ZNF704: variants seen among roughly 807,000 people sequenced by gnomAD.
ZNF704 encodes zinc finger protein 704.
Under a neutral mutation model 44.7 loss-of-function variants are expected in ZNF704, and 10 were observed. The ratio of observed to expected loss-of-function variants is 0.22; its 90% CI spans 0.14 to 0.38. ZNF704 has a LOEUF of 0.38. Among genes scored for constraint, ZNF704 ranks in the 10% least tolerant of loss-of-function variants. The pLI, the probability that ZNF704 is intolerant of heterozygous loss-of-function variation, is 1.00. For synonymous variants in ZNF704, 211 were observed against 207.6 expected, an observed-to-expected ratio of 1.02 and a Z score of -0.14; for missense variants, 390 against 545.5, an observed-to-expected ratio of 0.71 and a Z score of 2.84.
intron 1 of ZNF704, among the ~76,000 whole-genome samples, chr8:80,824,037 C>A (rs1222775409): frequency 6.6e-6 from 1 of 152,186 alleles, no homozygotes; most frequent in Non-Finnish European, 1.5e-5. Context: ...AAGAAATGCA[C>A]CTCCTCGCCA....
intron 1 of ZNF704, among the ~76,000 whole-genome samples, chr8:80,849,057 T>C (rs1157252526): frequency 6.6e-6 from 1 of 152,172 alleles, no homozygotes; most frequent in Non-Finnish European, 1.5e-5. Flanking sequence ...GCTAAAAATC[T>C]AGTGGAGGAT....
chr8:80,754,867 G>A (rs1341803006), intron 2 of ZNF704, among the ~76,000 whole-genome samples: 1 of 152,218 alleles, frequency 6.6e-6, no homozygotes, highest in East Asian at 1.9e-4. Context: ...GCATAAGCCA[G>A]AAATATATTA....
intron 2 of ZNF704, among the ~76,000 whole-genome samples, chr8:80,719,405 C>G (rs1819126563): frequency 1.3e-5 from 2 of 152,168 alleles, no homozygotes. Context: ...AATAGTTTGA[C>G]AAACTTCCAT....
intron 1 of ZNF704, chr8:80,873,729 C>G (rs934620493): frequency 6.5e-6 from 1 of 153,356 alleles, no homozygotes; most frequent in Non-Finnish European, 1.5e-5. Context: ...TCCACACGCC[C>G]GAGCCCCCTC....
chr8:80,839,470 CT>C (rs1808639011), intron 1 of ZNF704, among the ~76,000 whole-genome samples: 1 of 152,210 alleles, frequency 6.6e-6, no homozygotes, highest in Non-Finnish European at 1.5e-5. Context: ...ATTATTTTTA[CT>C]AGCTGCACAG....
At chr8:80,796,809 G>A (rs1276687609) in intron 2 of ZNF704, among the ~76,000 whole-genome samples, 2 of 150,522 alleles carry the variant, frequency 1.3e-5, no homozygotes, top group African/African-American at 4.9e-5. Context: ...CAGCCTGGAT[G>A]AACACTGTGA....
chr8:80,735,777 C>T (rs1806655571), intron 2 of ZNF704, among the ~76,000 whole-genome samples: 1 of 152,180 alleles, frequency 6.6e-6, no homozygotes, highest in Non-Finnish European at 1.5e-5. Flanking sequence ...TTGTCTATTT[C>T]CTGGCTCCAT....
At chr8:80,719,948 T>C (rs978937436) in intron 2 of ZNF704, among the ~76,000 whole-genome samples, 5 of 152,210 alleles carry the variant, frequency 3.3e-5, no homozygotes, top group Non-Finnish European at 5.9e-5. Flanking sequence ...TGGTCTAATA[T>C]TCTATACACG....
rs1817726924 is a variant in ZNF704, at chr8:80,640,627, A to G, written c.*739T>C. 1 of 152,196 alleles carries G rather than the reference A, an allele frequency of 6.6e-6. No homozygotes were observed. The highest frequency in any genetic ancestry group is 6.5e-5 in the Admixed American group (1 of 15,274). The allele number at this position is 152,196 out of a possible 1,614,324, so 9.4% of individuals were successfully genotyped here. ...GAAGAGCTTCTTATGGATCCAAGGA[A>G]GACTCCTAGATGTTTCCCAACAGTG... is the stretch of plus-strand genomic sequence containing the variant. On this transcript the variant is annotated 3_prime_UTR_variant, in exon 9 of 9. Transcript: ENST00000327835.
At chr8:80,733,729 G>A (rs1288783191) in intron 2 of ZNF704, among the ~76,000 whole-genome samples, 1 of 152,144 alleles carries the variant, frequency 6.6e-6, no homozygotes, top group Non-Finnish European at 1.5e-5. Context: ...ATATCTGAGT[G>A]GAAAAGTGGC....
At chr8:80,686,154 T>C (rs187357602) in intron 4 of ZNF704, among the ~76,000 whole-genome samples, 134 of 152,326 alleles carry the variant, frequency 8.8e-4, no homozygotes, top group Middle Eastern at 6.8e-3. Context: ...GAAAAGAATA[T>C]GAACTTGAGG....
Position 80,687,354 on chromosome 8 carries a change from T to A in ZNF704, c.430A>T (p.Thr144Ser). Reference sequence around the variant, plus strand: ...TCAGCCGAGAGCGGCGGCGACGGCGTGGACGGGTTGGACTGGTCGCTGGGG... The same window carrying A: ...TCAGCCGAGAGCGGCGGCGACGGCGAGGACGGGTTGGACTGGTCGCTGGGG... ...SAPSDQSNPSTPSPPLSADSF... is the reference protein window; with the variant it reads ...SAPSDQSNPSSPSPPLSADSF... Residue 144 changes from threonine to serine, a missense_variant, in exon 4 of 9, where the codon ACG becomes TCG. Around this residue, in one of 3 missense-constraint regions of ZNF704, gnomAD observed 305 missense variants for 435.7 expected, o/e 0.70. Coordinates refer to ENST00000327835, the MANE Select transcript of ZNF704 (RefSeq NM_001033723.3). 6.2e-7 allele frequency: 1 copy of A among 1,608,742 alleles called. No homozygotes were observed. The highest frequency in any genetic ancestry group is 2.2e-5 in the East Asian group (1 of 44,862).
At chr8:80,642,317 T>C (rs994198361) in intron 8 of ZNF704, among the ~76,000 whole-genome samples, 2 of 152,260 alleles carry the variant, frequency 1.3e-5, no homozygotes, top group African/African-American at 4.8e-5. Context: ...AAGGAAGCAC[T>C]TTATAGCTTG....
chr8:80,683,029 T>C (rs1818478272), intron 4 of ZNF704, among the ~76,000 whole-genome samples: 1 of 152,206 alleles, frequency 6.6e-6, no homozygotes, highest in Non-Finnish European at 1.5e-5. Flanking sequence ...TGGGGTCTTG[T>C]GGAATTGATG....
intron 2 of ZNF704, among the ~76,000 whole-genome samples, chr8:80,807,824 T>A (rs984069734): frequency 2.2e-5 from 3 of 137,844 alleles, no homozygotes; most frequent in Non-Finnish European, 3.1e-5. Context: ...GAACACTTGT[T>A]AAACATAGGT....
intron 2 of ZNF704, among the ~76,000 whole-genome samples, chr8:80,800,128 C>T (rs550970540): frequency 7.9e-5 from 12 of 151,994 alleles, no homozygotes; most frequent in Admixed American, 3.9e-4. Flanking sequence ...GAAAAAATAA[C>T]GAAAAAGAAT....
chr8:80,835,011 G>A (rs754121077), intron 1 of ZNF704, among the ~76,000 whole-genome samples: 5 of 151,966 alleles, frequency 3.3e-5, no homozygotes, highest in Non-Finnish European at 5.9e-5. Flanking sequence ...TTAATATGTC[G>A]ACAATTTAAT....
At position 80,677,242 on chromosome 8, in the gene ZNF704, T is replaced by G. The variant is rs182521268; in HGVS notation, c.559-6639A>C. 6.9e-4 allele frequency among the ~76,000 whole-genome samples: 105 copies of G among 152,338 alleles called. 1 individual carries two copies. Among genetic ancestry groups the G allele is most frequent in the African/African-American group, 2.2e-3 (91 of 41,580 alleles). On this transcript the variant is annotated intron_variant, in intron 4 of 8. Coordinates refer to ENST00000327835, the MANE Select transcript of ZNF704 (RefSeq NM_001033723.3). ...TCAAATTGCTGATTGTTTTAGGATA[T>G]GATAATCACAGTGGTATTTTTGTGC...
intron 3 of ZNF704, 133 bp downstream of exon 3, chr8:80,692,871 C>T (rs1406740677): frequency 9.1e-6 from 7 of 771,516 alleles, no homozygotes; most frequent in Admixed American, 2.5e-5. Context: ...ACTTCTTCCA[C>T]GTTTCTCTTT....
Sources: gnomAD v4.1 joint callset for allele counts (sites outside exome capture counted in the v4.1 genomes callset) on GRCh38, gnomAD v4.1.1 for gene constraint, gnomAD v4.1.1 regional missense constraint, MANE v1.5 for transcripts, NCBI Gene and HGNC (gene_info 2026-07-23, HGNC 2026-07-21) for gene names.